Variants in SLC14A2 observed in about 807,000 individuals in gnomAD.
SLC14A2 encodes the protein solute carrier family 14 member 2, also known as urea transporter 2.
A neutral mutation model predicts 104.6 loss-of-function variants in SLC14A2; 91 were observed. That is an observed-to-expected ratio of 0.87 (90% CI 0.73 to 1.04). SLC14A2 has a LOEUF of 1.04. Ranked by LOEUF, SLC14A2 falls within the 50% of genes least tolerant of loss-of-function variation. The pLI, the probability that SLC14A2 is intolerant of heterozygous loss-of-function variation, is 0.00. For missense variants in SLC14A2, 1,189 were observed against 1,156.0 expected, an observed-to-expected ratio of 1.03 and a Z score of -0.41; for synonymous variants, 476 against 466.4, an observed-to-expected ratio of 1.02 and a Z score of -0.27.
At chr18:45,438,965 A>T (rs1024861064) in intron 1 of SLC14A2, among the ~76,000 whole-genome samples, 1 of 152,130 alleles carries the variant, frequency 6.6e-6, no homozygotes, top group Non-Finnish European at 1.5e-5. Flanking sequence ...CAAGAGTAAG[A>T]GAAGACAGTG....
chr18:45,444,809 CAG>C (rs1384366386), intron 1 of SLC14A2, among the ~76,000 whole-genome samples: 1 of 152,160 alleles, frequency 6.6e-6, no homozygotes, highest in East Asian at 1.9e-4. Context: ...CTACTTCTCT[CAG>C]GGAGCCTATG....
At chr18:45,472,546 T>A (rs921656735) in intron 1 of SLC14A2, among the ~76,000 whole-genome samples, 7 of 152,240 alleles carry the variant, frequency 4.6e-5, no homozygotes, top group Admixed American at 6.5e-5. Context: ...TGTTGTTTTC[T>A]GACTTTTTAA....
chr18:45,267,320 G>A (rs1192237283), intron 1 of SLC14A2, among the ~76,000 whole-genome samples: 1 of 152,070 alleles, frequency 6.6e-6, no homozygotes, highest in Non-Finnish European at 1.5e-5. Flanking sequence ...TCCATGCTCT[G>A]CGGCCTCATT....
At chr18:45,196,803 G>A in the SLC14A2 span, among the ~76,000 whole-genome samples, 18,949 of 152,236 alleles carry the variant, frequency 0.12, 1,458 homozygotes, top group Middle Eastern at 0.22. Context: ...CCTGGAGCTA[G>A]GGGCTGTTCT....
chr18:45,501,212 T>C (rs1007974256), intron 2 of SLC14A2, among the ~76,000 whole-genome samples: 2 of 152,166 alleles, frequency 1.3e-5, no homozygotes, highest in Non-Finnish European at 2.9e-5. Flanking sequence ...CAGACTATTT[T>C]GACTCTGGCA....
chr18:45,253,834 AT>A (rs2084447700), intron 1 of SLC14A2, among the ~76,000 whole-genome samples: 1 of 152,228 alleles, frequency 6.6e-6, no homozygotes, highest in Non-Finnish European at 1.5e-5. Context: ...TTTATAGAAA[AT>A]AATAGTTTGT....
At chr18:45,295,108 G>A (rs2084906340) in intron 1 of SLC14A2, among the ~76,000 whole-genome samples, 1 of 152,174 alleles carries the variant, frequency 6.6e-6, no homozygotes, top group Non-Finnish European at 1.5e-5. Flanking sequence ...CTCTTGCAGA[G>A]CAAAGTGGTA....
intron 2 of SLC14A2, among the ~76,000 whole-genome samples, chr18:45,575,772 G>C (rs1169468341): frequency 6.6e-6 from 1 of 151,392 alleles, no homozygotes; most frequent in East Asian, 1.9e-4. Flanking sequence ...TTCTTTGAAA[G>C]CCTAGTTTGT....
intron 2 of SLC14A2, among the ~76,000 whole-genome samples, chr18:45,487,563 GTGGATACCTGTTGCAGGT>G (rs2087631827): frequency 6.6e-6 from 1 of 152,174 alleles, no homozygotes; most frequent in Non-Finnish European, 1.5e-5. Flanking sequence ...GGAAATAGTT[GTGGATACCTGTTGCAGGT>G]TGGGGTCCCC....
At chr18:45,640,005 T>C in intron 7 of SLC14A2, 112 bp downstream of exon 7, 1 of 1,055,616 alleles carries the variant, frequency 9.5e-7, no homozygotes, top group Non-Finnish European at 1.4e-6. Flanking sequence ...TTTAAATACT[T>C]TCAGGGAGAC....
At chr18:45,177,036 C>T in the SLC14A2 span, among the ~76,000 whole-genome samples, 1 of 152,136 alleles carries the variant, frequency 6.6e-6, no homozygotes, top group African/African-American at 2.4e-5. Flanking sequence ...ATTTTTTAAA[C>T]TTATCTCAAT....
chr18:45,619,019 G>A (rs1043535132), intron 1 of SLC14A2, among the ~76,000 whole-genome samples: 5 of 152,200 alleles, frequency 3.3e-5, no homozygotes, highest in African/African-American at 1.2e-4. Context: ...CTAACCATTG[G>A]AAGAATTTGG....
intron 1 of SLC14A2, among the ~76,000 whole-genome samples, chr18:45,310,240 A>G (rs1293441244): frequency 6.6e-6 from 1 of 152,138 alleles, no homozygotes; most frequent in Non-Finnish European, 1.5e-5. Context: ...AGGTATGTGG[A>G]TCTTCAACTT....
At chr18:45,274,379 A>G (rs561823795) in intron 1 of SLC14A2, among the ~76,000 whole-genome samples, 1 of 152,134 alleles carries the variant, frequency 6.6e-6, no homozygotes, top group Non-Finnish European at 1.5e-5. Flanking sequence ...CTTCTACTTT[A>G]TTTTTGGAAG....
At chr18:45,434,576 G>C (rs2086566648) in intron 1 of SLC14A2, among the ~76,000 whole-genome samples, 2 of 152,144 alleles carry the variant, frequency 1.3e-5, no homozygotes, top group East Asian at 1.9e-4. Flanking sequence ...ACCAAGAGCA[G>C]GGAAAACCTA....
intron 2 of SLC14A2, among the ~76,000 whole-genome samples, chr18:45,524,537 C>T (rs1912552219): frequency 6.6e-6 from 1 of 152,182 alleles, no homozygotes; most frequent in African/African-American, 2.4e-5. Flanking sequence ...GCAGCCTGAT[C>T]ACCTATGGTA....
intron 1 of SLC14A2, among the ~76,000 whole-genome samples, chr18:45,312,353 C>T (rs917568576): frequency 6.6e-6 from 1 of 151,700 alleles, no homozygotes; most frequent in Admixed American, 6.6e-5. Context: ...GGCAAGATCT[C>T]TGATCCTTCT....
chr18:45,535,670 C>T (rs1478091709), intron 2 of SLC14A2, among the ~76,000 whole-genome samples: 2 of 152,136 alleles, frequency 1.3e-5, no homozygotes, highest in Non-Finnish European at 2.9e-5. Context: ...GAGCAAAAGG[C>T]CTGATGTTCG....
intron 2 of SLC14A2, among the ~76,000 whole-genome samples, chr18:45,577,567 G>T (rs889174246): frequency 2.0e-5 from 3 of 152,098 alleles, no homozygotes; most frequent in African/African-American, 7.2e-5. Flanking sequence ...GAACCCAGAA[G>T]CCTTTGACTC....
Sources: allele counts gnomAD v4.1 joint callset (sites outside exome capture counted in the v4.1 genomes callset), GRCh38; gene constraint gnomAD v4.1.1; transcripts MANE v1.5; gene names NCBI Gene and HGNC (gene_info 2026-07-23, HGNC 2026-07-21).